The following TEX9 variants were observed in gnomAD, a reference collection of about 807,000 sequenced individuals.
TEX9 encodes the protein testis-expressed protein 9.
A neutral mutation model predicts 59.6 loss-of-function variants in TEX9; 74 were observed. The observed-to-expected ratio is 1.24, with a 90% CI of 1.03 to 1.51. The LOEUF is 1.51. Among genes scored for constraint, TEX9 ranks in the 40% most tolerant of loss-of-function variants. The pLI is 0.00. For synonymous variants in TEX9, 186 were observed against 152.2 expected (o/e 1.22, Z -1.64); for missense variants, 522 against 447.8 (o/e 1.17, Z -1.49).
At chr15:56,347,333 A>G (rs963123154) in intron 1 of TEX9, among the ~76,000 whole-genome samples, 3 of 152,164 alleles carry the variant, frequency 2.0e-5, no homozygotes, top group African/African-American at 4.8e-5. Flanking sequence ...AAAACTTATT[A>G]TGTATATATA....
chr15:56,312,974 G>A (rs2141638017), intron 1 of TEX9, among the ~76,000 whole-genome samples: 1 of 132,734 alleles, frequency 7.5e-6, no homozygotes, highest in South Asian at 2.5e-4. Flanking sequence ...AAGTATGCTT[G>A]TGATTTTTGT....
chr15:56,268,654 C>G (rs1445546929), intron 1 of TEX9, among the ~76,000 whole-genome samples: 1 of 150,920 alleles, frequency 6.6e-6, no homozygotes, highest in Non-Finnish European at 1.5e-5. Flanking sequence ...TTGAACCAGC[C>G]TTGCATCCCA....
chr15:56,404,989 G>C (rs1255693723), intron 9 of TEX9, among the ~76,000 whole-genome samples: 2 of 152,090 alleles, frequency 1.3e-5, no homozygotes, highest in East Asian at 3.9e-4. Flanking sequence ...CTGGCGCTAG[G>C]GAGCTGGCAG....
At chr15:56,404,756 G>A (rs191031936) in intron 9 of TEX9, among the ~76,000 whole-genome samples, 25 of 152,248 alleles carry the variant, frequency 1.6e-4, no homozygotes, top group African/African-American at 4.8e-4. Flanking sequence ...TGATAGACTG[G>A]ATTAAGAAAA....
intron 1 of TEX9, among the ~76,000 whole-genome samples, chr15:56,355,728 TGTTTA>T (rs1257041356): frequency 2.0e-5 from 3 of 152,108 alleles, no homozygotes; most frequent in Non-Finnish European, 2.9e-5. Context: ...TGTATCTTTC[TGTTTA>T]GTTATCTTTG....
chr15:56,412,037 G>A (rs758464825), intron 9 of TEX9, among the ~76,000 whole-genome samples: 18 of 152,078 alleles, frequency 1.2e-4, no homozygotes, highest in Non-Finnish European at 2.9e-5. Context: ...AATAAAGAGA[G>A]AGAAAATTCC....
chr15:56,394,664 G>A, exon 9 of TEX9: 16 of 1,580,118 alleles, frequency 1.0e-5, no homozygotes, highest in Non-Finnish European at 1.3e-5. Flanking sequence ...ACTATAGGAG[G>A]ATGAAATTCA....
chr15:56,423,617 C>T (rs2050096964), intron 10 of TEX9, among the ~76,000 whole-genome samples: 1 of 152,042 alleles, frequency 6.6e-6, no homozygotes, highest in Admixed American at 6.6e-5. Flanking sequence ...TCACCACAAT[C>T]AATTTTGCAA....
chr15:56,452,713 T>G, the TEX9 span, among the ~76,000 whole-genome samples: 2 of 151,976 alleles, frequency 1.3e-5, no homozygotes, highest in African/African-American at 4.8e-5. Context: ...AGAGACGCGG[T>G]TTCACCGTGT....
chr15:56,457,855 A>C, the TEX9 span, among the ~76,000 whole-genome samples: 1 of 151,976 alleles, frequency 6.6e-6, no homozygotes, highest in Non-Finnish European at 1.5e-5. Context: ...ACACAACTCA[A>C]CAATTTTACC....
chr15:56,331,800 G>T (rs181356025), intron 1 of TEX9, among the ~76,000 whole-genome samples: 3 of 151,482 alleles, frequency 2.0e-5, no homozygotes, highest in Non-Finnish European at 4.4e-5. Flanking sequence ...CCATCAAAAA[G>T]TGGGCGAAGG....
rs185744077 is a variant in TEX9, at chr15:56,330,223, A to G, written c.-106-43218A>G. The stretch of plus-strand genomic sequence containing the variant: ...GAAGAAGAAATAAACACTTTCCCTG[A>G]CAAACAGAAGCTAAGGGATTTTGTC... On this transcript the variant is annotated intron_variant, in intron 1 of 5. Coordinates refer to the TEX9 transcript ENST00000560827. Among the ~76,000 whole-genome samples the G allele has an allele frequency of 2.0e-3, 305 of 152,308 alleles. 5 individuals are homozygous for G. Among genetic ancestry groups the G allele is most frequent in the African/African-American group, 7.0e-3 (291 of 41,574 alleles).
intron 9 of TEX9, chr15:56,395,590 G>C (rs1296754609): frequency 6.6e-6 from 1 of 152,086 alleles, no homozygotes; most frequent in African/African-American, 2.4e-5. Flanking sequence ...ATTCCTACCA[G>C]TAGTGCATGA....
Position 56,365,489 on chromosome 15 carries a change from T to G in TEX9, c.27+12T>G. 6.2e-7 allele frequency: 1 copy of G among 1,614,160 alleles called. No individual in the cohort carries two copies. Among genetic ancestry groups the G allele is most frequent in the Non-Finnish European group, 8.5e-7 (1 of 1,180,008 alleles). On this transcript the variant is annotated intron_variant, in intron 1 of 12. Coordinates refer to ENST00000352903, the Ensembl canonical transcript of TEX9. ...GTCTGTGTCTCACGGTCAGTTCAACTCCAGGCTCCTGGGGAGCGTCTGGGT... is the reference window on the plus strand; with the variant it reads ...GTCTGTGTCTCACGGTCAGTTCAACGCCAGGCTCCTGGGGAGCGTCTGGGT...
chr15:56,444,220 T>C (rs547791771), intron 12 of TEX9, among the ~76,000 whole-genome samples: 327 of 152,204 alleles, frequency 2.1e-3, no homozygotes, highest in Admixed American at 5.5e-3. Flanking sequence ...AAGGTTTAGG[T>C]CATTCAATCA....
At chr15:56,392,399 C>A (rs1178572050) in intron 7 of TEX9, among the ~76,000 whole-genome samples, 1 of 151,986 alleles carries the variant, frequency 6.6e-6, no homozygotes, top group Non-Finnish European at 1.5e-5. Flanking sequence ...GGAGGTGCTA[C>A]ATGCTTTTAA....
At chr15:56,437,732 C>A (rs1282523570) in intron 12 of TEX9, among the ~76,000 whole-genome samples, 19 of 151,980 alleles carry the variant, frequency 1.3e-4, no homozygotes, top group Middle Eastern at 3.2e-3. Context: ...GTCTCAGCCC[C>A]AAATCTCCTT....
chr15:56,369,585 T>G (rs916342491), intron 2 of TEX9, among the ~76,000 whole-genome samples: 3 of 152,136 alleles, frequency 2.0e-5, no homozygotes, highest in African/African-American at 2.4e-5. Context: ...TCCACCTTCC[T>G]CGGCTTCCCA....
intron 2 of TEX9, among the ~76,000 whole-genome samples, chr15:56,368,967 T>G (rs1297901666): frequency 6.6e-6 from 1 of 152,116 alleles, no homozygotes; most frequent in African/African-American, 2.4e-5. Context: ...GTTTTTTAGT[T>G]TATTTACCTC....
Sources: allele counts gnomAD v4.1 joint callset (sites outside exome capture counted in the v4.1 genomes callset), GRCh38; gene constraint gnomAD v4.1.1; transcripts MANE v1.5; gene names NCBI Gene and HGNC (gene_info 2026-07-23, HGNC 2026-07-21).